The following CADPS2 variants were observed in gnomAD, a reference collection of about 807,000 sequenced individuals.
CADPS2 encodes the protein calcium-dependent secretion activator 2.
In CADPS2, 93 loss-of-function variants were observed where a neutral mutation model predicts 172.5. The ratio of observed to expected loss-of-function variants is 0.54; its 90% confidence interval spans 0.46 to 0.64. CADPS2 has a LOEUF of 0.64. CADPS2 is among the 30% of genes least tolerant of loss of function. The probability of loss-of-function intolerance (pLI) is 0.00; values close to 1 mark genes in which losing one functional copy is unlikely to be tolerated. For missense variants in CADPS2, 1,420 were observed against 1,565.9 expected (o/e 0.91, Z 1.57); for synonymous variants, 546 against 555.2 (o/e 0.98, Z 0.23).
At chr7:122,393,122 C>A in intron 22 of CADPS2, 74 bp downstream of exon 22, 1 of 1,530,576 alleles carries the variant, frequency 6.5e-7, no homozygotes, top group Admixed American at 2.0e-5. Context: ...GCAGTCTAAA[C>A]ACATCTGCGC....
At chr7:122,591,069 T>C (rs2070719607) in intron 6 of CADPS2, among the ~76,000 whole-genome samples, 1 of 152,020 alleles carries the variant, frequency 6.6e-6, no homozygotes, top group East Asian at 1.9e-4. Context: ...GATGACATGA[T>C]TGTATATTTA....
chr7:122,515,839 A>G (rs1166463213), intron 8 of CADPS2, among the ~76,000 whole-genome samples: 1 of 79,740 alleles, frequency 1.3e-5, no homozygotes, highest in African/African-American at 6.2e-5. Context: ...ATTAAAAAAT[A>G]ATAATAATTA....
chr7:122,530,044 T>G (rs1047643407), intron 8 of CADPS2, among the ~76,000 whole-genome samples: 2 of 152,098 alleles, frequency 1.3e-5, no homozygotes, highest in Non-Finnish European at 2.9e-5. Flanking sequence ...CACTTAATAT[T>G]TACTTTGGGC....
chr7:122,615,729 C>T (rs114591536), intron 5 of CADPS2, among the ~76,000 whole-genome samples: 6 of 151,704 alleles, frequency 4.0e-5, no homozygotes, highest in African/African-American at 1.5e-4. Flanking sequence ...AACATTGATA[C>T]CATCATACTA....
At chr7:122,676,274 T>A (rs1408143497) in intron 2 of CADPS2, among the ~76,000 whole-genome samples, 1 of 152,228 alleles carries the variant, frequency 6.6e-6, no homozygotes, top group Non-Finnish European at 1.5e-5. Flanking sequence ...GTATCTCAAT[T>A]ACTTGTTAGG....
intron 15 of CADPS2, among the ~76,000 whole-genome samples, chr7:122,450,155 TAAATA>T (rs1272836699): frequency 6.6e-6 from 1 of 152,212 alleles, no homozygotes; most frequent in Non-Finnish European, 1.5e-5. Context: ...TTCATATGGT[TAAATA>T]AAATATTTTT....
At chr7:122,560,679 T>G (rs555792269) in intron 7 of CADPS2, among the ~76,000 whole-genome samples, 7 of 152,330 alleles carry the variant, frequency 4.6e-5, no homozygotes, top group Non-Finnish European at 8.8e-5. Context: ...TCTTTCCAGA[T>G]AAGTAGAGCC....
At chr7:122,653,554 G>A (rs141488055) in intron 3 of CADPS2, among the ~76,000 whole-genome samples, 173 of 152,182 alleles carry the variant, frequency 1.1e-3, no homozygotes, top group Non-Finnish European at 1.8e-3. Flanking sequence ...ATATACAGGC[G>A]TACATCATTT....
chr7:122,780,349 C>T (rs1274592320), intron 1 of CADPS2, among the ~76,000 whole-genome samples: 4 of 152,070 alleles, frequency 2.6e-5, no homozygotes, highest in Non-Finnish European at 4.4e-5. Context: ...GAATATTTTG[C>T]TCCATACTCA....
At chr7:122,779,769 G>GGA (rs2139350983) in intron 1 of CADPS2, among the ~76,000 whole-genome samples, 1 of 152,144 alleles carries the variant, frequency 6.6e-6, no homozygotes, top group East Asian at 1.9e-4. Flanking sequence ...GTCTTCCAAG[G>GGA]GACTTCATTT....
At chr7:122,636,646 A>G (rs1588021139) in intron 3 of CADPS2, among the ~76,000 whole-genome samples, 1 of 151,916 alleles carries the variant, frequency 6.6e-6, no homozygotes, top group African/African-American at 2.4e-5. Flanking sequence ...TTGTATTTTT[A>G]GTAAAGACAA....
At chr7:122,637,165 ATTTTGCTTTTTTTTTTT>A in intron 3 of CADPS2, among the ~76,000 whole-genome samples, 1 of 95,640 alleles carries the variant, frequency 1.0e-5, no homozygotes, top group South Asian at 3.0e-4. Flanking sequence ...GCATTATGAA[ATTTTGCTTTTTTTTTTT>A]TTTTTTTTTT....
intron 2 of CADPS2, among the ~76,000 whole-genome samples, chr7:122,734,380 A>G (rs935756911): frequency 3.3e-5 from 3 of 91,542 alleles, no homozygotes; most frequent in African/African-American, 3.6e-5. Context: ...AAAAAAAAAA[A>G]AAAAAAGAAA....
intron 29 of CADPS2, among the ~76,000 whole-genome samples, chr7:122,322,171 T>C (rs2032701627): frequency 6.6e-6 from 1 of 152,230 alleles, no homozygotes; most frequent in Admixed American, 6.5e-5. Context: ...CACCTACAGA[T>C]GATGCATCTA....
chr7:122,417,991 G>A (rs962126136), intron 17 of CADPS2, among the ~76,000 whole-genome samples: 8 of 152,174 alleles, frequency 5.3e-5, no homozygotes, highest in South Asian at 4.1e-4. Context: ...CCAACATGGC[G>A]AAACCCCATC....
At chr7:122,627,656 A>C (rs2076208943) in intron 4 of CADPS2, among the ~76,000 whole-genome samples, 1 of 152,160 alleles carries the variant, frequency 6.6e-6, no homozygotes, top group South Asian at 2.1e-4. Flanking sequence ...AAAATCACTT[A>C]AACTTTATTC....
chr7:122,369,884 G>C (rs903513244), intron 25 of CADPS2: 1 of 152,160 alleles, frequency 6.6e-6, no homozygotes, highest in African/African-American at 2.4e-5. Context: ...GCAGTCAGAT[G>C]AATCTTCTTA....
intron 3 of CADPS2, among the ~76,000 whole-genome samples, chr7:122,635,226 G>T (rs1037935936): frequency 1.3e-5 from 2 of 152,000 alleles, no homozygotes; most frequent in African/African-American, 4.8e-5. Flanking sequence ...ATGATCTAAT[G>T]CTGTCAGTGG....
intron 1 of CADPS2, among the ~76,000 whole-genome samples, chr7:122,875,488 T>A (rs568653897): frequency 4.8e-4 from 73 of 152,308 alleles, no homozygotes; most frequent in Admixed American, 2.8e-3. Flanking sequence ...TAGGAATGAT[T>A]ACTATAATAA....
Sources: gnomAD v4.1 joint callset for allele counts (sites outside exome capture counted in the v4.1 genomes callset) on GRCh38, gnomAD v4.1.1 for gene constraint, MANE v1.5 for transcripts, NCBI Gene and HGNC (gene_info 2026-07-23, HGNC 2026-07-21) for gene names.